Variants in LPP observed in about 807,000 individuals in gnomAD.
The protein encoded by LPP is lipoma-preferred partner.
A neutral mutation model predicts 60.4 loss-of-function variants in LPP; 38 were observed. That is an observed-to-expected ratio of 0.63 (90% CI 0.49 to 0.83). LPP has a LOEUF of 0.83. Among genes scored for constraint, LPP ranks in the 40% least tolerant of loss-of-function variants. The pLI is 0.00. For synonymous variants in LPP, 328 were observed against 290.8 expected (o/e 1.13, Z -1.30); for missense variants, 902 against 783.6 (o/e 1.15, Z -1.80).
chr3:188,357,283 A>G lies in LPP; in HGVS notation c.-10+15564A>G, dbSNP rs539606734. Among the ~76,000 whole-genome samples, 48 of 152,368 alleles carry G rather than the reference A, an allele frequency of 3.2e-4. No homozygotes were observed. The South Asian group carries it at 9.9e-3, about 32-fold the overall frequency. On this transcript the variant is annotated intron_variant, in intron 3 of 11. Transcript: ENST00000617246. ...TACCCTAAAGACAGGAAAGAAGGTGAACGGCTATTTCACTAGATGCTGAAA... is the reference window on the plus strand; with the variant it reads ...TACCCTAAAGACAGGAAAGAAGGTGGACGGCTATTTCACTAGATGCTGAAA...
intron 7 of LPP, among the ~76,000 whole-genome samples, chr3:188,613,903 T>TTTTTTTTA (rs146990243): frequency 5.6e-5 from 8 of 142,584 alleles, no homozygotes; most frequent in Non-Finnish European, 1.1e-4. Context: ...TTTAAATTAA[T>TTTTTTTTA]TTTATTTATT....
At chr3:188,361,773 G>T (rs1213640687) in intron 3 of LPP, among the ~76,000 whole-genome samples, 1 of 152,016 alleles carries the variant, frequency 6.6e-6, no homozygotes, top group Admixed American at 6.5e-5. Flanking sequence ...TTGCCATGTT[G>T]GCCAGGCTGG....
intron 4 of LPP, among the ~76,000 whole-genome samples, chr3:188,413,646 T>G (rs1202536516): frequency 1.3e-5 from 2 of 152,130 alleles, no homozygotes; most frequent in African/African-American, 4.8e-5. Context: ...GATCAAATAT[T>G]AATTGTATTA....
intron 9 of LPP, among the ~76,000 whole-genome samples, chr3:188,775,468 C>T (rs1430813229): frequency 6.6e-6 from 1 of 152,152 alleles, no homozygotes. Context: ...GGTGCATTTT[C>T]CTTTAAGGAT....
rs1770981232 is a variant in LPP, at chr3:188,889,019, T to C, written c.*14540T>C. On this transcript the variant is annotated 3_prime_UTR_variant, in exon 12 of 12. Transcript: ENST00000617246. ...ATTAGGATGTGTGTCATATGTGTGTTCTATAAACTAAGCATCGGTGGGTTT... is the reference window on the plus strand; with the variant it reads ...ATTAGGATGTGTGTCATATGTGTGTCCTATAAACTAAGCATCGGTGGGTTT... The C allele has an allele frequency of 4.5e-6, 1 of 219,792 alleles. No individual in the cohort carries two copies. Among genetic ancestry groups the C allele is most frequent in the African/African-American group, 2.2e-5 (1 of 44,566 alleles). The allele number at this position is 219,792 out of a possible 1,614,324, so 13.6% of individuals were successfully genotyped here.
intron 8 of LPP, among the ~76,000 whole-genome samples, chr3:188,747,555 C>T (rs578168840): frequency 6.6e-6 from 1 of 152,282 alleles, no homozygotes; most frequent in South Asian, 2.1e-4. Flanking sequence ...TTAAAATTGA[C>T]ACCATTTTTA....
chr3:188,402,650 G>A (rs1782518074), intron 3 of LPP, among the ~76,000 whole-genome samples: 2 of 152,234 alleles, frequency 1.3e-5, no homozygotes, highest in African/African-American at 2.4e-5. Flanking sequence ...CTAAGAAAGA[G>A]TAACGTTCAT....
At chr3:188,450,428 T>C (rs1450769858) in intron 4 of LPP, among the ~76,000 whole-genome samples, 4 of 152,160 alleles carry the variant, frequency 2.6e-5, no homozygotes, top group African/African-American at 9.6e-5. Flanking sequence ...CATTTATCTA[T>C]ATGATCAGCA....
At chr3:188,208,219 C>G (rs879524068) in intron 1 of LPP, 1 of 152,204 alleles carries the variant, frequency 6.6e-6, no homozygotes, top group Admixed American at 6.5e-5. Context: ...AGAATCCTGA[C>G]AAGTGGCATG....
At chr3:188,400,303 G>A (rs1781942884) in intron 3 of LPP, among the ~76,000 whole-genome samples, 1 of 152,168 alleles carries the variant, frequency 6.6e-6, no homozygotes, top group South Asian at 2.1e-4. Flanking sequence ...TTAAAGATCT[G>A]TGTCCCAGCT....
chr3:188,235,207 G>T (rs1165456196), intron 2 of LPP, among the ~76,000 whole-genome samples: 1 of 152,178 alleles, frequency 6.6e-6, no homozygotes, highest in Non-Finnish European at 1.5e-5. Flanking sequence ...TGTGGAACGG[G>T]TGCAAACTCA....
At chr3:188,206,863 C>T (rs1733373814) in intron 1 of LPP, among the ~76,000 whole-genome samples, 1 of 152,144 alleles carries the variant, frequency 6.6e-6, no homozygotes, top group African/African-American at 2.4e-5. Context: ...GCCTAGTTCA[C>T]AGGGTCATTG....
In LPP at chr3:188,601,554, C is replaced by G. The variant is rs577492450; in HGVS notation, c.430-7607C>G. ...ATTATGTCACTCATAGCCCCTAATT[C>G]CAAGTGGGATTTCCTGTTCGGCTTT... On this transcript the variant is annotated intron_variant, in intron 6 of 11. Transcript: ENST00000617246. 3.3e-5 allele frequency among the ~76,000 whole-genome samples: 5 copies of G among 152,232 alleles called. No homozygotes were observed. In the East Asian group the frequency reaches 9.7e-4, roughly 29 times the overall value.
chr3:188,732,403 G>A (rs1720936820), intron 8 of LPP, among the ~76,000 whole-genome samples: 2 of 152,170 alleles, frequency 1.3e-5, no homozygotes, highest in African/African-American at 4.8e-5. Context: ...GAACCACTGT[G>A]CACTGTACAT....
chr3:188,553,219 A>C (rs1029750158), intron 6 of LPP, among the ~76,000 whole-genome samples: 2 of 152,182 alleles, frequency 1.3e-5, no homozygotes, highest in Non-Finnish European at 2.9e-5. Flanking sequence ...GACACATATT[A>C]GTGCCATGTA....
intron 4 of LPP, among the ~76,000 whole-genome samples, chr3:188,442,231 G>A (rs779640449): frequency 2.4e-4 from 37 of 152,110 alleles, no homozygotes; most frequent in Admixed American, 3.9e-4. Context: ...CCATCAACTC[G>A]TCATTTACGT....
In LPP at chr3:188,838,070, G is replaced by A. The variant is rs113995168; in HGVS notation, c.1411-28130G>A. Among the ~76,000 whole-genome samples, 669 of 152,198 alleles carry A rather than the reference G, an allele frequency of 4.4e-3. 11 individuals are homozygous for A. Among genetic ancestry groups the A allele is most frequent in the African/African-American group, 0.014 (602 of 41,532 alleles). Reference sequence around the variant, plus strand: ...TTCCTATCCCTAGTCTTGTTTGGTTGGGTAGCTTCCAATTAATAACAGCTT... The same window carrying A: ...TTCCTATCCCTAGTCTTGTTTGGTTAGGTAGCTTCCAATTAATAACAGCTT... On this transcript the variant is annotated intron_variant, in intron 9 of 11. Transcript: ENST00000617246.
At chr3:188,834,369 G>A (rs879573123) in intron 9 of LPP, among the ~76,000 whole-genome samples, 1 of 78,940 alleles carries the variant, frequency 1.3e-5, no homozygotes, top group Non-Finnish European at 2.2e-5. Context: ...TTTGATCTTG[G>A]TTTTGGTTTT....
intron 6 of LPP, among the ~76,000 whole-genome samples, chr3:188,575,190 C>T (rs556703312): frequency 1.3e-5 from 2 of 152,096 alleles, no homozygotes; most frequent in Non-Finnish European, 2.9e-5. Flanking sequence ...TGTATAACAA[C>T]GTAGTTTTAC....
Sources: allele counts gnomAD v4.1 joint callset (sites outside exome capture counted in the v4.1 genomes callset), GRCh38; gene constraint gnomAD v4.1.1; transcripts MANE v1.5; gene names NCBI Gene and HGNC (gene_info 2026-07-23, HGNC 2026-07-21).